The following FBXL20 variants were observed in gnomAD, a reference collection of about 807,000 sequenced individuals.
The protein encoded by FBXL20 is F-box/LRR-repeat protein 20.
Under a neutral mutation model 64.0 loss-of-function variants are expected in FBXL20, and 11 were observed. The observed-to-expected ratio is 0.17, with a 90% CI of 0.11 to 0.28. FBXL20 has a LOEUF of 0.28. Ranked by LOEUF, FBXL20 falls within the 10% of genes least tolerant of loss-of-function variation. The pLI, the probability that FBXL20 is intolerant of heterozygous loss-of-function variation, is 1.00. For synonymous variants in FBXL20, 184 were observed against 189.0 expected, an observed-to-expected ratio of 0.97 and a Z score of 0.22; for missense variants, 303 against 526.2, an observed-to-expected ratio of 0.58 and a Z score of 4.15.
At position 39,252,934 on chromosome 17, in the gene FBXL20, A is replaced by ACC. The variant is rs2046663493; in HGVS notation, c.*8524_*8525dup. 1 of 152,024 alleles carries ACC rather than the reference A, an allele frequency of 6.6e-6. No homozygotes were observed. Among genetic ancestry groups the ACC allele is most frequent in the Admixed American group, 6.6e-5 (1 of 15,254 alleles). The allele number at this position is 152,024 out of a possible 1,614,324, so 9.4% of individuals were successfully genotyped here. ...AGCTAATGGAACCTGGTGCTAAGTC[A>ACC]CCCCGTAGGCAACTGTGTCGGCTCC... On this transcript the variant is annotated 3_prime_UTR_variant, in exon 15 of 15. Transcript: ENST00000264658.
At chr17:39,269,599 A>G (rs922902464) in intron 11 of FBXL20, among the ~76,000 whole-genome samples, 1 of 146,440 alleles carries the variant, frequency 6.8e-6, no homozygotes, top group Non-Finnish European at 1.5e-5. Flanking sequence ...CCCGGATTCA[A>G]GCGATTCTCC....
At chr17:39,336,482 T>A (rs1458304109) in intron 2 of FBXL20, among the ~76,000 whole-genome samples, 2 of 152,292 alleles carry the variant, frequency 1.3e-5, no homozygotes, top group East Asian at 3.9e-4. Flanking sequence ...CTACACTAAC[T>A]ATAAATAGAA....
chr17:39,357,136 G>A (rs941070731), intron 1 of FBXL20, among the ~76,000 whole-genome samples: 3 of 151,748 alleles, frequency 2.0e-5, no homozygotes, highest in African/African-American at 7.3e-5. Flanking sequence ...AGCCGGGCGT[G>A]GTGCTGCATG....
At chr17:39,344,387 T>C (rs2047612466) in intron 1 of FBXL20, among the ~76,000 whole-genome samples, 1 of 150,914 alleles carries the variant, frequency 6.6e-6, no homozygotes, top group African/African-American at 2.4e-5. Context: ...TCAGCTCACA[T>C]CACTATGGAG....
In FBXL20 at chr17:39,333,271, G is replaced by A. The variant is rs565405625; in HGVS notation, c.104+9909C>T. The stretch of plus-strand genomic sequence containing the variant: ...CCTGATTCTCCTGCCTCAGCCTGCC[G>A]AGTGCCTGGGATTGCAGGCGCGCGC... On this transcript the variant is annotated intron_variant, in intron 2 of 14. Transcript: ENST00000264658. Among the ~76,000 whole-genome samples the A allele has an allele frequency of 3.9e-3, 601 of 152,300 alleles. 2 individuals carry two copies. The highest frequency in any genetic ancestry group is 0.014 in the African/African-American group (574 of 41,582).
At chr17:39,382,089 T>C (rs2048029595) in intron 1 of FBXL20, among the ~76,000 whole-genome samples, 1 of 106,714 alleles carries the variant, frequency 9.4e-6, no homozygotes, top group Non-Finnish European at 1.7e-5. Context: ...CGAGACTCCG[T>C]CTCAAAAAAA....
At chr17:39,385,619 T>C (rs903050488) in intron 1 of FBXL20, among the ~76,000 whole-genome samples, 15 of 151,948 alleles carry the variant, frequency 9.9e-5, no homozygotes, top group African/African-American at 1.9e-4. Context: ...GCCAAGGAGG[T>C]TGATGCTCAA....
At chr17:39,321,086 T>C (rs950269217) in intron 2 of FBXL20, among the ~76,000 whole-genome samples, 6 of 152,226 alleles carry the variant, frequency 3.9e-5, no homozygotes, top group Non-Finnish European at 7.3e-5. Flanking sequence ...CTCCAAAATA[T>C]ACAGTGAACA....
chr17:39,385,322 AACAC>A (rs3078787), intron 1 of FBXL20, among the ~76,000 whole-genome samples: 1 of 151,198 alleles, frequency 6.6e-6, no homozygotes, highest in East Asian at 1.9e-4. Context: ...GTCTCTAGAA[AACAC>A]ACACACACAC....
At chr17:39,369,600 C>T (rs1250484435) in intron 1 of FBXL20, among the ~76,000 whole-genome samples, 16 of 152,058 alleles carry the variant, frequency 1.1e-4, no homozygotes, top group Admixed American at 1.0e-3. Flanking sequence ...ATCCACCCGG[C>T]TTGGCCTCCC....
chr17:39,262,508 T>C (rs548285145), intron 14 of FBXL20, among the ~76,000 whole-genome samples: 1 of 152,144 alleles, frequency 6.6e-6, no homozygotes, highest in Non-Finnish European at 1.5e-5. Flanking sequence ...CTTGAACTCC[T>C]GACTTCAGGT....
chr17:39,298,417 A>G (rs1364740904), intron 5 of FBXL20, among the ~76,000 whole-genome samples: 8 of 152,144 alleles, frequency 5.3e-5, no homozygotes, highest in African/African-American at 1.9e-4. Context: ...AGGGTTAACC[A>G]TAACCCTAAA....
chr17:39,369,296 C>T (rs2047892100), intron 1 of FBXL20, among the ~76,000 whole-genome samples: 1 of 128,398 alleles, frequency 7.8e-6, no homozygotes, highest in South Asian at 2.5e-4. Context: ...GAGTCTCTGT[C>T]GCTGAGGCTG....
At chr17:39,263,986 C>G in intron 14 of FBXL20, 189 bp downstream of exon 14, 1 of 586,888 alleles carries the variant, frequency 1.7e-6, no homozygotes, top group Non-Finnish European at 2.9e-6. Context: ...TCTTTTCCTA[C>G]TAAATTTCCA....
At chr17:39,356,197 AGAGC>A (rs1321494786) in intron 1 of FBXL20, among the ~76,000 whole-genome samples, 13 of 147,652 alleles carry the variant, frequency 8.8e-5, no homozygotes, top group African/African-American at 3.1e-4. Context: ...CCTAGGCGAC[AGAGC>A]GAGACTCCAT....
chr17:39,322,143 T>TA (rs1392870513), intron 2 of FBXL20, among the ~76,000 whole-genome samples: 1 of 109,868 alleles, frequency 9.1e-6, no homozygotes, highest in African/African-American at 3.7e-5. Flanking sequence ...CTGGAAAACA[T>TA]AGTGAGACAC....
chr17:39,381,583 G>A (rs967346464), intron 1 of FBXL20, among the ~76,000 whole-genome samples: 1 of 152,000 alleles, frequency 6.6e-6, no homozygotes, highest in Non-Finnish European at 1.5e-5. Flanking sequence ...TTGAGCCCAG[G>A]AGTTTGAGAC....
intron 2 of FBXL20, among the ~76,000 whole-genome samples, chr17:39,339,946 T>A (rs1341229820): frequency 6.8e-6 from 1 of 147,708 alleles, no homozygotes; most frequent in Non-Finnish European, 1.5e-5. Flanking sequence ...GTAACTGGAT[T>A]TTTTTTTTTT....
chr17:39,288,123 C>A (rs1014893298), intron 6 of FBXL20, among the ~76,000 whole-genome samples: 1 of 151,844 alleles, frequency 6.6e-6, no homozygotes, highest in South Asian at 2.1e-4. Context: ...ACCAACACAC[C>A]CAGCTAATTT....
Sources: gnomAD v4.1 joint callset for allele counts (sites outside exome capture counted in the v4.1 genomes callset) on GRCh38, gnomAD v4.1.1 for gene constraint, MANE v1.5 for transcripts, NCBI Gene and HGNC (gene_info 2026-07-23, HGNC 2026-07-21) for gene names.